Variants in PCDH9 observed in about 807,000 individuals in gnomAD.
The protein encoded by PCDH9 is protocadherin 9.
PCDH9 carries 24 observed loss-of-function variants against 70.6 expected under a neutral mutation model. The ratio of observed to expected loss-of-function variants is 0.34; its 90% CI spans 0.25 to 0.48. The LOEUF (loss-of-function observed/expected upper bound fraction) is 0.48, where lower values mean the gene tolerates loss of function less well. Among genes scored for constraint, PCDH9 ranks in the 20% least tolerant of loss-of-function variants. The probability of loss-of-function intolerance (pLI) is 0.99; values close to 1 mark genes in which losing one functional copy is unlikely to be tolerated. For missense variants in PCDH9, 1,281 were observed against 1,503.6 expected, an observed-to-expected ratio of 0.85 and a Z score of 2.45; for synonymous variants, 562 against 558.5, an observed-to-expected ratio of 1.01 and a Z score of -0.09.
chr13:67,198,439 A>G (rs1000792288), intron 2 of PCDH9, among the ~76,000 whole-genome samples: 18 of 151,924 alleles, frequency 1.2e-4, no homozygotes, highest in Non-Finnish European at 2.4e-4. Context: ...TTGAATTCAC[A>G]GCAATTTATG....
chr13:67,145,263 A>G (rs890519480), intron 2 of PCDH9, among the ~76,000 whole-genome samples: 3 of 152,064 alleles, frequency 2.0e-5, no homozygotes, highest in Non-Finnish European at 4.4e-5. Flanking sequence ...GGAAGTTTTC[A>G]AGAACTAATG....
chr13:66,919,833 G>C (rs2082611756), intron 2 of PCDH9, among the ~76,000 whole-genome samples: 2 of 150,900 alleles, frequency 1.3e-5, no homozygotes, highest in African/African-American at 4.8e-5. Context: ...AAAAGTATGA[G>C]GGACTAAACA....
intron 3 of PCDH9, among the ~76,000 whole-genome samples, chr13:66,726,908 A>G (rs1181148745): frequency 6.6e-6 from 1 of 152,168 alleles, no homozygotes; most frequent in Non-Finnish European, 1.5e-5. Context: ...CTACTTTATT[A>G]GCCTACTTGC....
intron 3 of PCDH9, among the ~76,000 whole-genome samples, chr13:66,888,921 TA>T (rs1240815752): frequency 6.6e-6 from 1 of 152,140 alleles, no homozygotes. Flanking sequence ...GCCAAAGAGC[TA>T]AAAATAAAAA....
chr13:66,947,290 TATA>T (rs1566312274), intron 2 of PCDH9, among the ~76,000 whole-genome samples: 1 of 152,286 alleles, frequency 6.6e-6, no homozygotes, highest in South Asian at 2.1e-4. Flanking sequence ...AAAATAGCCA[TATA>T]ATAACAAATT....
chr13:67,027,858 A>C (rs1015680290), intron 2 of PCDH9, among the ~76,000 whole-genome samples: 14 of 151,990 alleles, frequency 9.2e-5, no homozygotes, highest in African/African-American at 3.4e-4. Context: ...GCAAATCAAA[A>C]CCACAATGAG....
At chr13:66,481,209 C>T (rs1044338211) in intron 4 of PCDH9, among the ~76,000 whole-genome samples, 9 of 150,978 alleles carry the variant, frequency 6.0e-5, no homozygotes, top group East Asian at 2.0e-4. Context: ...ATGCAAATGA[C>T]GGGTTGATGG....
At chr13:66,402,917 G>A (rs1225411043) in intron 4 of PCDH9, among the ~76,000 whole-genome samples, 1 of 152,056 alleles carries the variant, frequency 6.6e-6, no homozygotes, top group East Asian at 1.9e-4. Flanking sequence ...AAAGGTGATG[G>A]CAGTTAACTA....
intron 4 of PCDH9, among the ~76,000 whole-genome samples, chr13:66,367,440 T>C (rs1429754882): frequency 6.6e-6 from 1 of 152,122 alleles, no homozygotes; most frequent in Non-Finnish European, 1.5e-5. Context: ...ATGTTTCAGT[T>C]CTAACTATTG....
intron 4 of PCDH9, among the ~76,000 whole-genome samples, chr13:66,411,944 AC>A (rs1029919628): frequency 2.0e-5 from 3 of 152,156 alleles, no homozygotes; most frequent in African/African-American, 7.2e-5. Flanking sequence ...TTTTCAAGCC[AC>A]TCAAAACTAT....
intron 4 of PCDH9, among the ~76,000 whole-genome samples, chr13:66,622,895 C>T (rs1009106068): frequency 6.6e-6 from 1 of 152,222 alleles, no homozygotes; most frequent in African/African-American, 2.4e-5. Context: ...AGCTGTAACA[C>T]TCACCGCAAA....
chr13:66,867,805 T>C (rs561523620), intron 3 of PCDH9, among the ~76,000 whole-genome samples: 206 of 152,174 alleles, frequency 1.4e-3, no homozygotes, highest in African/African-American at 4.5e-3. Flanking sequence ...ACAAGTGTTA[T>C]GAACTTTTTG....
chr13:66,952,422 C>T (rs544470509), intron 2 of PCDH9, among the ~76,000 whole-genome samples: 3 of 152,272 alleles, frequency 2.0e-5, no homozygotes, highest in South Asian at 2.1e-4. Context: ...ACGTACCTAG[C>T]ATATCATCGG....
chr13:66,574,620 G>T (rs932432949), intron 4 of PCDH9, among the ~76,000 whole-genome samples: 1 of 152,166 alleles, frequency 6.6e-6, no homozygotes, highest in Non-Finnish European at 1.5e-5. Flanking sequence ...CTTTCAAAAA[G>T]ATGAAATCAT....
chr13:66,986,936 T>A (rs997966912), intron 2 of PCDH9, among the ~76,000 whole-genome samples: 1 of 151,746 alleles, frequency 6.6e-6, no homozygotes, highest in Admixed American at 6.6e-5. Flanking sequence ...TAAATAGGCA[T>A]ATATCATACA....
At chr13:66,998,472 A>AGT (rs141842598) in intron 2 of PCDH9, among the ~76,000 whole-genome samples, 1 of 151,982 alleles carries the variant, frequency 6.6e-6, no homozygotes, top group African/African-American at 2.4e-5. Context: ...TTCCAACCTG[A>AGT]GTGTGTGTGT....
chr13:66,448,613 A>G (rs1365667785), intron 4 of PCDH9, among the ~76,000 whole-genome samples: 1 of 152,194 alleles, frequency 6.6e-6, no homozygotes, highest in Non-Finnish European at 1.5e-5. Flanking sequence ...AGTTTTGATA[A>G]TACCACATCA....
At chr13:66,611,737 G>A (rs1048205694) in intron 4 of PCDH9, among the ~76,000 whole-genome samples, 1 of 152,184 alleles carries the variant, frequency 6.6e-6, no homozygotes, top group Non-Finnish European at 1.5e-5. Context: ...TTTGTTGTGA[G>A]GACGGAATTG....
At chr13:67,137,057 G>T (rs1372047192) in intron 2 of PCDH9, among the ~76,000 whole-genome samples, 1 of 151,756 alleles carries the variant, frequency 6.6e-6, no homozygotes, top group African/African-American at 2.4e-5. Flanking sequence ...CACAAACATG[G>T]CACATGTATA....
Sources: gnomAD v4.1 joint callset for allele counts (sites outside exome capture counted in the v4.1 genomes callset) on GRCh38, gnomAD v4.1.1 for gene constraint, MANE v1.5 for transcripts, NCBI Gene and HGNC (gene_info 2026-07-23, HGNC 2026-07-21) for gene names.